The following UNC13C variants were observed in gnomAD, a reference collection of about 807,000 sequenced individuals.
The protein encoded by UNC13C is protein unc-13 homolog C.
In UNC13C, 174 loss-of-function variants were observed where a neutral mutation model predicts 245.4. That is an observed-to-expected ratio of 0.71 (90% CI 0.63 to 0.80). UNC13C has a LOEUF of 0.80. UNC13C is among the 30% of genes least tolerant of loss of function. The pLI, the probability that UNC13C is intolerant of heterozygous loss-of-function variation, is 0.00. For synonymous variants in UNC13C, 992 were observed against 895.1 expected (o/e 1.11, Z -1.93); for missense variants, 2,829 against 2,602.9 (o/e 1.09, Z -1.89).
intron 2 of UNC13C, among the ~76,000 whole-genome samples, chr15:54,021,868 A>G (rs1341065069): frequency 6.6e-6 from 1 of 152,228 alleles, no homozygotes; most frequent in Non-Finnish European, 1.5e-5. Context: ...ACAATTGTCT[A>G]CAGTAATCAC....
intron 1 of UNC13C, among the ~76,000 whole-genome samples, chr15:54,006,749 C>T (rs868177185): frequency 4.6e-5 from 7 of 152,214 alleles, no homozygotes; most frequent in Non-Finnish European, 1.0e-4. Flanking sequence ...TGTTCCACCT[C>T]GACATGCTCC....
chr15:53,900,575 A>G, the UNC13C span, among the ~76,000 whole-genome samples: 1 of 152,216 alleles, frequency 6.6e-6, no homozygotes, highest in Non-Finnish European at 1.5e-5. Context: ...GAATCACTGT[A>G]GCTACACAAT....
At chr15:54,415,781 T>C (rs1339684104) in intron 19 of UNC13C, among the ~76,000 whole-genome samples, 1 of 152,120 alleles carries the variant, frequency 6.6e-6, no homozygotes, top group Non-Finnish European at 1.5e-5. Flanking sequence ...CCCACCCTCA[T>C]CAAGATTGCA....
intron 1 of UNC13C, among the ~76,000 whole-genome samples, chr15:54,006,124 AC>A (rs1461334498): frequency 2.6e-5 from 4 of 152,172 alleles, no homozygotes; most frequent in African/African-American, 9.7e-5. Context: ...TACTATCCTT[AC>A]AAGATTACCA....
chr15:54,178,615 C>T (rs1029794507), intron 4 of UNC13C, among the ~76,000 whole-genome samples: 6 of 152,082 alleles, frequency 3.9e-5, no homozygotes, highest in African/African-American at 9.7e-5. Flanking sequence ...CTGTTGTTTT[C>T]GTCCCTGGAA....
the UNC13C span, among the ~76,000 whole-genome samples, chr15:53,924,323 T>C: frequency 6.6e-6 from 1 of 152,214 alleles, no homozygotes; most frequent in Non-Finnish European, 1.5e-5. Context: ...TGTGTGACCT[T>C]GCAGAAACCT....
chr15:54,350,471 C>A (rs923053136), intron 17 of UNC13C, among the ~76,000 whole-genome samples: 4 of 152,072 alleles, frequency 2.6e-5, no homozygotes, highest in African/African-American at 9.7e-5. Context: ...AATCGGCAGG[C>A]AGACAGGAAA....
chr15:54,389,305 G>A (rs2039904532), intron 17 of UNC13C, among the ~76,000 whole-genome samples: 1 of 152,148 alleles, frequency 6.6e-6, no homozygotes, highest in African/African-American at 2.4e-5. Context: ...GGTTTCTGGA[G>A]CAGAAGCACC....
intron 13 of UNC13C, among the ~76,000 whole-genome samples, chr15:54,302,059 CAT>C (rs1038763418): frequency 2.6e-5 from 4 of 151,968 alleles, no homozygotes; most frequent in African/African-American, 7.2e-5. Context: ...GCTTTTTTTT[CAT>C]ATGTTTCTTG....
intron 17 of UNC13C, among the ~76,000 whole-genome samples, chr15:54,353,530 C>T (rs973568271): frequency 1.2e-4 from 18 of 152,092 alleles, no homozygotes; most frequent in African/African-American, 3.9e-4. Context: ...TATTTTTCAT[C>T]GCAGCGAAGA....
intron 4 of UNC13C, among the ~76,000 whole-genome samples, chr15:54,216,648 C>T (rs966660093): frequency 1.3e-5 from 2 of 151,770 alleles, no homozygotes; most frequent in African/African-American, 4.8e-5. Flanking sequence ...TAAAGGAAAA[C>T]ATTTAAAAAT....
intron 4 of UNC13C, among the ~76,000 whole-genome samples, chr15:54,205,428 A>G (rs1449514268): frequency 1.3e-5 from 2 of 152,026 alleles, no homozygotes; most frequent in African/African-American, 2.4e-5. Context: ...AACTAATATC[A>G]GGTTCTTATT....
At chr15:54,033,906 C>T (rs1347867278) in intron 2 of UNC13C, among the ~76,000 whole-genome samples, 1 of 152,182 alleles carries the variant, frequency 6.6e-6, no homozygotes, top group Non-Finnish European at 1.5e-5. Flanking sequence ...AATGAGCTCT[C>T]TAATATAAGC....
chr15:53,980,729 C>A (rs1375883601), intron 1 of UNC13C, among the ~76,000 whole-genome samples: 1 of 152,142 alleles, frequency 6.6e-6, no homozygotes, highest in Non-Finnish European at 1.5e-5. Flanking sequence ...CAGAGATCAT[C>A]ATCACTATGT....
the UNC13C span, chr15:53,911,749 T>C: frequency 2.6e-5 from 4 of 152,240 alleles, no homozygotes; most frequent in Non-Finnish European, 4.4e-5. Flanking sequence ...AATCATATAC[T>C]GATTTGGTGC....
At chr15:54,516,669 G>A (rs891752538) in intron 24 of UNC13C, among the ~76,000 whole-genome samples, 2 of 151,944 alleles carry the variant, frequency 1.3e-5, no homozygotes, top group Admixed American at 6.6e-5. Context: ...GCATGGTGGT[G>A]GGCGCCTGTA....
chr15:54,517,272 T>C (rs1895021856), intron 24 of UNC13C, among the ~76,000 whole-genome samples: 1 of 152,160 alleles, frequency 6.6e-6, no homozygotes, highest in Non-Finnish European at 1.5e-5. Context: ...TATTAGATAG[T>C]AAAATAGACA....
intron 4 of UNC13C, among the ~76,000 whole-genome samples, chr15:54,177,445 T>G (rs1209961589): frequency 6.6e-6 from 1 of 152,162 alleles, no homozygotes; most frequent in African/African-American, 2.4e-5. Flanking sequence ...AATACACATA[T>G]GCATGTAATC....
chr15:54,568,835 A>T (rs999874466), intron 30 of UNC13C, among the ~76,000 whole-genome samples: 1 of 152,124 alleles, frequency 6.6e-6, no homozygotes, highest in Non-Finnish European at 1.5e-5. Flanking sequence ...GGATACATTA[A>T]TTTTTCTACC....
Sources: gnomAD v4.1 joint callset for allele counts (sites outside exome capture counted in the v4.1 genomes callset) on GRCh38, gnomAD v4.1.1 for gene constraint, MANE v1.5 for transcripts, NCBI Gene and HGNC (gene_info 2026-07-23, HGNC 2026-07-21) for gene names.